The following ACTR6 variants were observed in gnomAD, a reference collection of about 807,000 sequenced individuals.
The protein encoded by ACTR6 is actin related protein 6.
A neutral mutation model predicts 52.5 loss-of-function variants in ACTR6; 50 were observed. The observed-to-expected ratio is 0.95, with a 90% CI of 0.76 to 1.20. The LOEUF (loss-of-function observed/expected upper bound fraction) is 1.20. Ranked by LOEUF, ACTR6 falls within the 50% of genes most tolerant of loss-of-function variation. ACTR6 has a pLI of 0.00. For missense variants in ACTR6, 344 were observed against 472.4 expected (o/e 0.73, Z 2.52); for synonymous variants, 135 against 147.2 (o/e 0.92, Z 0.60).
At chr12:100,214,892 G>T (rs1476986787) in intron 8 of ACTR6, among the ~76,000 whole-genome samples, 1 of 152,214 alleles carries the variant, frequency 6.6e-6, no homozygotes, top group East Asian at 1.9e-4. Context: ...TCCTGGCTAA[G>T]ATACGGAAGG....
chr12:100,222,057 C>T (rs1390218303), intron 10 of ACTR6, among the ~76,000 whole-genome samples: 2 of 151,852 alleles, frequency 1.3e-5, no homozygotes, highest in Non-Finnish European at 2.9e-5. Flanking sequence ...CAGGTTCAAG[C>T]GATTCTCCTG....
chr12:100,207,484 T>G (rs951642032), intron 3 of ACTR6, among the ~76,000 whole-genome samples, 179 bp from the exon 4 acceptor site: 8 of 152,188 alleles, frequency 5.3e-5, no homozygotes, highest in African/African-American at 1.9e-4. Flanking sequence ...ATTAAATAGC[T>G]CTATGAACTT....
At chr12:100,201,204 G>A (rs1272253578) in intron 1 of ACTR6, 4 of 672,666 alleles carry the variant, frequency 5.9e-6, no homozygotes, top group African/African-American at 3.7e-5. Context: ...CCTGACAGAA[G>A]GGTCCGTAAA....
chr12:100,214,298 G>T (rs748956087), intron 8 of ACTR6, among the ~76,000 whole-genome samples: 49 of 152,206 alleles, frequency 3.2e-4, no homozygotes, highest in Non-Finnish European at 5.9e-4. Context: ...GAATACATGG[G>T]TTTTATATAA....
rs775828704 is a variant in ACTR6, at chr12:100,207,727, A to T, written c.320A>T (p.Glu107Val). 6.3e-7 allele frequency: 1 copy of T among 1,593,322 alleles called. No homozygotes were observed. The highest frequency in any genetic ancestry group is 2.3e-5 in the East Asian group (1 of 44,246). ...EPYFNFTSIQESMNEILFEEY... is the reference protein window; with the variant it reads ...EPYFNFTSIQVSMNEILFEEY... ...TACTTTAACTTCACTTCAATTCAAGAATCAATGAATGAAATTCTATTTGAA... is the reference window on the plus strand; with the variant it reads ...TACTTTAACTTCACTTCAATTCAAGTATCAATGAATGAAATTCTATTTGAA... Residue 107 changes from glutamate (E) to valine (V), a missense_variant, in exon 4 of 11, where the codon GAA (glutamate) becomes GTA (valine). Glu to Val is a moderately radical substitution (Grantham distance 121, BLOSUM62 -2). Transcript: ENST00000188312.
chr12:100,203,777 A>C (rs1345442662), intron 1 of ACTR6: 1 of 150,562 alleles, frequency 6.6e-6, no homozygotes, highest in Non-Finnish European at 1.5e-5. Context: ...CAGCCTTCCA[A>C]GTAGCTGGGA....
chr12:100,220,216 G>A lies in ACTR6; in HGVS notation c.1061+70G>A, dbSNP rs543810506. 3 of 1,490,404 alleles carry A rather than the reference G, an allele frequency of 2.0e-6. No homozygotes were observed. In the African/African-American group the frequency reaches 4.2e-5, roughly 21 times the overall value. 92.3% of individuals were successfully genotyped at this position (1,490,404 alleles called of 1,614,324 possible). A position where few individuals can be genotyped will look rare whatever the true frequency, so the allele number is the denominator to read the frequency against. On this transcript the variant is annotated intron_variant, in intron 10 of 10. Transcript: ENST00000188312. ...TAGAAAAGGTGGTCTGTTGACTTGA[G>A]TTTAAAACCTGGCTCTCCCACGGTG...
chr12:100,218,397 A>T lies in ACTR6; in HGVS notation c.751-18A>T, dbSNP rs2096125492. Reference sequence around the variant, plus strand: ...CTAGATAATATAACTTAAACTTTTAATCTTCTTTGTCTTTAAGCCAAGGGA... The same window carrying T: ...CTAGATAATATAACTTAAACTTTTATTCTTCTTTGTCTTTAAGCCAAGGGA... On this transcript the variant is annotated intron_variant, in intron 8 of 10. Transcript: ENST00000188312. The surrounding 1 kb of genome is among the most constrained non-coding windows in gnomAD (Gnocchi z 4.2). 6.3e-7 allele frequency: 1 copy of T among 1,599,314 alleles called. No homozygotes were observed. Among genetic ancestry groups the T allele is most frequent in the Middle Eastern group, 1.7e-4 (1 of 5,948 alleles).
chr12:100,204,146 T>C (rs932371553), intron 1 of ACTR6: 7 of 151,756 alleles, frequency 4.6e-5, no homozygotes, highest in Non-Finnish European at 8.8e-5. Flanking sequence ...TAAAAAAAAA[T>C]GGGGGAGGGG....
At chr12:100,222,827 C>A (rs2153901498) in intron 10 of ACTR6, among the ~76,000 whole-genome samples, 1 of 152,256 alleles carries the variant, frequency 6.6e-6, no homozygotes, top group African/African-American at 2.4e-5. Context: ...GATAGCAAAA[C>A]CAAACTAGAT....
chr12:100,204,725 C>A (rs912340153), intron 1 of ACTR6, among the ~76,000 whole-genome samples: 1 of 152,184 alleles, frequency 6.6e-6, no homozygotes, highest in African/African-American at 2.4e-5. Context: ...TCTTGAACTC[C>A]TGGTCTCAAG....
At position 100,212,568 on chromosome 12, in the gene ACTR6, C is replaced by T. The variant is rs745407677; in HGVS notation, c.750+40C>T. The T allele has an allele frequency of 1.0e-5, 15 of 1,490,982 alleles. No homozygotes were observed. The Admixed American group carries it at 1.3e-4, about 13-fold the overall frequency. The allele number at this position is 1,490,982 out of a possible 1,614,324, so 92.4% of individuals were successfully genotyped here. On this transcript the variant is annotated intron_variant, in intron 8 of 10. Transcript: ENST00000188312. ...CCATCAATGGTTGGTTGCTGCGGCT[C>T]CTGTCTATAATCCCAGCACTTGGGG... is the stretch of plus-strand genomic sequence containing the variant.
intron 6 of ACTR6, among the ~76,000 whole-genome samples, chr12:100,210,987 C>A (rs2096119428): frequency 6.6e-6 from 1 of 151,984 alleles, no homozygotes; most frequent in Non-Finnish European, 1.5e-5. Context: ...ATGTTAGTTT[C>A]TTTTTGTTTG....
At chr12:100,203,600 G>A (rs564529264) in intron 1 of ACTR6, 3 of 150,982 alleles carry the variant, frequency 2.0e-5, no homozygotes, top group East Asian at 3.9e-4. Context: ...CACTGCTCCC[G>A]GCTGGAAACT....
chr12:100,209,930 G>T, intron 4 of ACTR6, 143 bp from the exon 5 acceptor site: 1 of 613,288 alleles, frequency 1.6e-6, no homozygotes, highest in African/African-American at 1.9e-5. Context: ...TCTTTTGACA[G>T]TTATGAATAG....
At chr12:100,203,148 G>T (rs150513181) in intron 1 of ACTR6, among the ~76,000 whole-genome samples, 202 of 152,208 alleles carry the variant, frequency 1.3e-3, no homozygotes, top group African/African-American at 4.7e-3. Context: ...AATGCTTACG[G>T]CCCCACCCTC....
chr12:100,222,290 G>A (rs139632581), intron 10 of ACTR6, among the ~76,000 whole-genome samples: 8 of 132,342 alleles, frequency 6.0e-5, no homozygotes, highest in Non-Finnish European at 9.2e-5. Flanking sequence ...ACACAGTCTC[G>A]CTCTGTTACC....
chr12:100,204,815 T>G, intron 1 of ACTR6, 125 bp from the exon 2 acceptor site: 2 of 624,476 alleles, frequency 3.2e-6, no homozygotes, highest in Non-Finnish European at 5.6e-6. Context: ...TAAGACAGAA[T>G]GAGAAACACT....
intron 8 of ACTR6, among the ~76,000 whole-genome samples, chr12:100,216,731 G>C (rs566746640): frequency 6.6e-6 from 1 of 152,296 alleles, no homozygotes; most frequent in African/African-American, 2.4e-5. Flanking sequence ...TAATGAATTT[G>C]TAAATTCATA....
Sources: gnomAD v4.1 joint callset for allele counts (sites outside exome capture counted in the v4.1 genomes callset) on GRCh38, gnomAD v4.1.1 for gene constraint, Gnocchi (gnomAD v3.1) non-coding constraint, MANE v1.5 for transcripts, NCBI Gene and HGNC (gene_info 2026-07-23, HGNC 2026-07-21) for gene names.